Variants in ERG observed in about 807,000 individuals in gnomAD.
The protein encoded by ERG is ETS transcription factor ERG.
Under a neutral mutation model 55.3 loss-of-function variants are expected in ERG, and 9 were observed. The observed-to-expected ratio is 0.16, with a 90% CI of 0.10 to 0.28. The LOEUF (loss-of-function observed/expected upper bound fraction) is 0.28, where lower values mean the gene tolerates loss of function less well. Among genes scored for constraint, ERG ranks in the 10% least tolerant of loss-of-function variants. ERG has a pLI of 1.00. For missense variants in ERG, 434 were observed against 631.6 expected (o/e 0.69, Z 3.35); for synonymous variants, 223 against 237.3 (o/e 0.94, Z 0.55).
At chr21:38,524,438 C>T (rs991810882) in intron 2 of ERG, among the ~76,000 whole-genome samples, 3 of 152,170 alleles carry the variant, frequency 2.0e-5, no homozygotes, top group African/African-American at 4.8e-5. Context: ...CTGATCTTTT[C>T]GGACTATTAG....
chr21:38,611,211 C>T (rs2060225024), intron 1 of ERG, among the ~76,000 whole-genome samples: 1 of 152,152 alleles, frequency 6.6e-6, no homozygotes, highest in South Asian at 2.1e-4. Flanking sequence ...CCACTGTCAC[C>T]CCTCAACTGG....
chr21:38,538,249 T>C (rs1466364956), intron 2 of ERG, among the ~76,000 whole-genome samples: 1 of 152,138 alleles, frequency 6.6e-6, no homozygotes. Context: ...AGATGGATGA[T>C]GGTGAGTTTT....
chr21:38,479,565 A>T (rs1378986344), intron 1 of ERG, among the ~76,000 whole-genome samples: 1 of 152,216 alleles, frequency 6.6e-6, no homozygotes, highest in Non-Finnish European at 1.5e-5. Flanking sequence ...ATAAAGAAGA[A>T]GGTCGTGGGA....
At chr21:38,492,756 C>A (rs1354695600) in intron 1 of ERG, among the ~76,000 whole-genome samples, 4 of 152,056 alleles carry the variant, frequency 2.6e-5, no homozygotes, top group Non-Finnish European at 5.9e-5. Flanking sequence ...CATGTCTTGG[C>A]CAAGCTCAGT....
chr21:38,501,689 C>A (rs1206417451), upstream of ERG, among the ~76,000 whole-genome samples: 3 of 152,124 alleles, frequency 2.0e-5, no homozygotes, highest in Non-Finnish European at 2.9e-5. Flanking sequence ...TTTCACTCTC[C>A]TTGAGATGCA....
chr21:38,513,020 A>T (rs2059525212), intron 2 of ERG, among the ~76,000 whole-genome samples: 1 of 151,888 alleles, frequency 6.6e-6, no homozygotes, highest in Non-Finnish European at 1.5e-5. Context: ...AATCCCAGCT[A>T]CTCAGGAGGC....
chr21:38,516,166 C>A (rs1381173019), intron 2 of ERG, among the ~76,000 whole-genome samples: 1 of 151,862 alleles, frequency 6.6e-6, no homozygotes, highest in Non-Finnish European at 1.5e-5. Context: ...TAAAGGTCAT[C>A]CAAACTGGAA....
In ERG at chr21:38,382,900, C is replaced by A; in HGVS notation, c.*503G>T. On this transcript the variant is annotated 3_prime_UTR_variant, in exon 10 of 10. Coordinates refer to ENST00000288319, the MANE Select transcript of ERG (RefSeq NM_182918.4). ...ATGCCATGCAGTTGCATATCAACGT[C>A]TGTTGATGGGCCACAGTCTCTCTCG... The A allele has an allele frequency of 9.4e-7, 1 of 1,066,454 alleles. No homozygotes were observed. Among genetic ancestry groups the A allele is most frequent in the Non-Finnish European group, 1.1e-6 (1 of 879,722 alleles). The allele number at this position is 1,066,454 out of a possible 1,614,324, so 66.1% of individuals were successfully genotyped here.
intron 3 of ERG, among the ~76,000 whole-genome samples, chr21:38,405,132 G>T (rs1198691396): frequency 6.6e-6 from 1 of 152,094 alleles, no homozygotes; most frequent in African/African-American, 2.4e-5. Flanking sequence ...GTAGCTAGTG[G>T]TTAGAAGTAA....
intron 1 of ERG, among the ~76,000 whole-genome samples, chr21:38,597,177 A>G (rs1781186490): frequency 6.6e-6 from 1 of 152,194 alleles, no homozygotes. Flanking sequence ...AATTCCTTAA[A>G]ATACATCTCA....
chr21:38,544,593 G>C (rs1428211595), intron 2 of ERG, among the ~76,000 whole-genome samples: 9 of 152,136 alleles, frequency 5.9e-5, no homozygotes, highest in Admixed American at 5.9e-4. Context: ...GCAGAAGAGA[G>C]GCGACTTTAC....
At chr21:38,398,582 G>A (rs1988337470) in intron 6 of ERG, among the ~76,000 whole-genome samples, 1 of 152,180 alleles carries the variant, frequency 6.6e-6, no homozygotes, top group Admixed American at 6.5e-5. Flanking sequence ...CGGCATGGGA[G>A]GTGTCTGAGT....
intron 2 of ERG, among the ~76,000 whole-genome samples, chr21:38,427,354 C>T (rs181951351): frequency 3.9e-5 from 6 of 152,330 alleles, no homozygotes; most frequent in Non-Finnish European, 8.8e-5. Context: ...GGATTACAGG[C>T]GTGAGCCACT....
At chr21:38,532,364 G>A (rs950775369) in intron 2 of ERG, among the ~76,000 whole-genome samples, 2 of 151,348 alleles carry the variant, frequency 1.3e-5, no homozygotes, top group South Asian at 2.1e-4. Flanking sequence ...CTGTGGTTAG[G>A]GGGAAATGTG....
At chr21:38,518,831 A>T (rs1435515402) in intron 2 of ERG, among the ~76,000 whole-genome samples, 1 of 152,178 alleles carries the variant, frequency 6.6e-6, no homozygotes, top group Non-Finnish European at 1.5e-5. Context: ...TCATCAAAAG[A>T]CACTATTAAG....
intron 1 of ERG, among the ~76,000 whole-genome samples, chr21:38,644,706 G>A (rs1193590160): frequency 6.6e-6 from 1 of 150,506 alleles, no homozygotes; most frequent in Non-Finnish European, 1.5e-5. Flanking sequence ...AAATATTTTG[G>A]GGGAAAAAAT....
chr21:38,469,658 G>A (rs2059122959), intron 1 of ERG, among the ~76,000 whole-genome samples: 1 of 151,952 alleles, frequency 6.6e-6, no homozygotes, highest in South Asian at 2.1e-4. Context: ...CAAATACATG[G>A]AGAAGTAAAA....
At chr21:38,641,920 A>G (rs945360474) in intron 1 of ERG, among the ~76,000 whole-genome samples, 13 of 152,228 alleles carry the variant, frequency 8.5e-5, no homozygotes, top group African/African-American at 3.1e-4. Context: ...ACCCCAAGAC[A>G]GCCTGATTCA....
the ERG span, among the ~76,000 whole-genome samples, chr21:38,369,236 G>A: frequency 3.9e-4 from 59 of 152,326 alleles, no homozygotes; most frequent in East Asian, 5.2e-3. Flanking sequence ...CCCACCAACA[G>A]TGTATAAGCA....
Sources: allele counts gnomAD v4.1 joint callset (sites outside exome capture counted in the v4.1 genomes callset), GRCh38; gene constraint gnomAD v4.1.1; transcripts MANE v1.5; gene names NCBI Gene and HGNC (gene_info 2026-07-23, HGNC 2026-07-21).